The following RFTN1 variants were observed in gnomAD, a reference collection of about 807,000 sequenced individuals.
The protein encoded by RFTN1 is raftlin, lipid raft linker 1, also known as raftlin.
Under a neutral mutation model 46.5 loss-of-function variants are expected in RFTN1, and 26 were observed. That is an observed-to-expected ratio of 0.56 (90% CI 0.41 to 0.78). The LOEUF (loss-of-function observed/expected upper bound fraction) is 0.78. RFTN1 is among the 30% of genes least tolerant of loss of function. The pLI is 0.00. For synonymous variants in RFTN1, 261 were observed against 284.2 expected (o/e 0.92, Z 0.82); for missense variants, 693 against 718.7 (o/e 0.96, Z 0.41).
rs1160563756 is a variant in RFTN1 at position 16,442,134 on chromosome 3, C to A, written c.146-8097G>T. The stretch of plus-strand genomic sequence containing the variant: ...ACTCATGTATCTGAAACTTAAAAAA[C>A]AAAACAAAACAAAACAAAACAAAAC... On this transcript the variant is annotated intron_variant, in intron 2 of 9. Coordinates refer to ENST00000334133, the MANE Select transcript of RFTN1 (RefSeq NM_015150.2). The surrounding 1 kb of genome is among the most constrained non-coding windows in gnomAD (Gnocchi z 4.1). 1.4e-5 allele frequency among the ~76,000 whole-genome samples: 2 copies of A among 147,472 alleles called. No homozygotes were observed. The highest frequency in any genetic ancestry group is 5.1e-5 in the African/African-American group (2 of 39,450).
At position 16,413,462 on chromosome 3, in the gene RFTN1, G is replaced by A. The variant is rs142310001; in HGVS notation, c.333-3979C>T. On this transcript the variant is annotated intron_variant, in intron 3 of 9. Coordinates refer to ENST00000334133, the MANE Select transcript of RFTN1 (RefSeq NM_015150.2). This position sits in a 1 kb window ranked among gnomAD's most constrained non-coding sequence, Gnocchi z 4.7. ...CATTGCCACCTTCCTATGGGGTAGTGGAAATACCAGGTATGCTCCCCAAAG... is the reference window on the plus strand; with the variant it reads ...CATTGCCACCTTCCTATGGGGTAGTAGAAATACCAGGTATGCTCCCCAAAG... Among the ~76,000 whole-genome samples, 309 of 152,318 alleles carry A rather than the reference G, an allele frequency of 2.0e-3. No homozygotes were observed. Among genetic ancestry groups the A allele is most frequent in the Non-Finnish European group, 3.8e-3 (257 of 68,024 alleles).
chr3:16,434,390 AAAC>A (rs558148033), intron 2 of RFTN1, among the ~76,000 whole-genome samples: 8,137 of 130,746 alleles, frequency 0.062, 250 homozygotes, highest in Middle Eastern at 0.081. Context: ...ACAAACAAAC[AAAC>A]AAAAACAAAA....
chr3:16,463,906 G>T (rs1002694881), intron 2 of RFTN1, among the ~76,000 whole-genome samples: 2 of 152,170 alleles, frequency 1.3e-5, no homozygotes, highest in Non-Finnish European at 2.9e-5. Context: ...GACTCAGGTT[G>T]CTCCTGGCTT....
In RFTN1 at chr3:16,400,220, C is replaced by T. The variant is rs1296876242; in HGVS notation, c.441+9155G>A. Among the ~76,000 whole-genome samples, 2 of 152,200 alleles carry T rather than the reference C, an allele frequency of 1.3e-5. No homozygotes were observed. Among genetic ancestry groups the T allele is most frequent in the Non-Finnish European group, 2.9e-5 (2 of 68,032 alleles). ...CACTCACCCCTCTGTCATTTGCAGGCAAGACAGTGAACTCCCTTCTGCTCC... is the reference window on the plus strand; with the variant it reads ...CACTCACCCCTCTGTCATTTGCAGGTAAGACAGTGAACTCCCTTCTGCTCC... On this transcript the variant is annotated intron_variant, in intron 4 of 9. Transcript: ENST00000334133. The surrounding 1 kb of genome is among the most constrained non-coding windows in gnomAD (Gnocchi z 4.5).
chr3:16,437,145 C>A (rs2075531741), intron 2 of RFTN1, among the ~76,000 whole-genome samples: 1 of 152,138 alleles, frequency 6.6e-6, no homozygotes. Flanking sequence ...CAGGTTTATT[C>A]CTAGTTATTC....
rs898390691 is a variant in RFTN1, at chr3:16,443,391, A to G, written c.146-9354T>C. Among the ~76,000 whole-genome samples the G allele has an allele frequency of 1.5e-4, 23 of 152,126 alleles. No individual in the cohort carries two copies. Among genetic ancestry groups the G allele is most frequent in the African/African-American group, 4.3e-4 (18 of 41,422 alleles). ...TTATATCTCCTTGGGAGATATGTCT[A>G]TTCAAGCCCTCTGCCCATTTTTCAA... is the stretch of plus-strand genomic sequence containing the variant. On this transcript the variant is annotated intron_variant, in intron 2 of 9. Coordinates refer to ENST00000334133, the MANE Select transcript of RFTN1 (RefSeq NM_015150.2). This position sits in a 1 kb window ranked among gnomAD's most constrained non-coding sequence, Gnocchi z 5.5.
rs923706339 is a variant in RFTN1, at chr3:16,338,292, C to T, written c.1147-11416G>A. On this transcript the variant is annotated intron_variant, in intron 7 of 9. Coordinates refer to ENST00000334133, the MANE Select transcript of RFTN1 (RefSeq NM_015150.2). This position sits in a 1 kb window ranked among gnomAD's most constrained non-coding sequence, Gnocchi z 5.3. ...GAGAACCAGGCAAGGCATGCAACCACGCAAGGCTCCTGATCACAGGGAAGG... is the reference window on the plus strand; with the variant it reads ...GAGAACCAGGCAAGGCATGCAACCATGCAAGGCTCCTGATCACAGGGAAGG... Among the ~76,000 whole-genome samples, 6 of 152,212 alleles carry T rather than the reference C, an allele frequency of 3.9e-5. No individual in the cohort carries two copies. The highest frequency in any genetic ancestry group is 7.2e-5 in the African/African-American group (3 of 41,470).
intron 1 of RFTN1, among the ~76,000 whole-genome samples, chr3:16,497,320 A>T (rs1016247236): frequency 1.6e-4 from 24 of 152,270 alleles, no homozygotes; most frequent in African/African-American, 5.5e-4. Flanking sequence ...TCATCTACGT[A>T]CTGGGTCTCA....
intron 6 of RFTN1, among the ~76,000 whole-genome samples, chr3:16,364,538 A>G (rs927302779): frequency 2.6e-5 from 4 of 151,856 alleles, no homozygotes; most frequent in African/African-American, 9.7e-5. Flanking sequence ...TGACCACTGC[A>G]CCATACTCTC....
intron 2 of RFTN1, among the ~76,000 whole-genome samples, chr3:16,476,852 C>A (rs1210656036): frequency 6.6e-6 from 1 of 152,174 alleles, no homozygotes; most frequent in Non-Finnish European, 1.5e-5. Flanking sequence ...TCTTTACTTT[C>A]AATTTACATT....
chr3:16,318,732 C>T (rs1294923869), intron 9 of RFTN1, among the ~76,000 whole-genome samples: 3 of 152,198 alleles, frequency 2.0e-5, no homozygotes, highest in Non-Finnish European at 4.4e-5. Flanking sequence ...GGTCCTTTCC[C>T]ACCCTGTATC....
Position 16,404,166 on chromosome 3 carries a change from AAT to A in RFTN1, c.441+5207_441+5208del, listed in dbSNP as rs2074755559. Among the ~76,000 whole-genome samples the A allele has an allele frequency of 2.8e-5, 2 of 71,794 alleles. 1 individual carries two copies. The highest frequency in any genetic ancestry group is 4.8e-5 in the Non-Finnish European group (2 of 41,484). The allele number at this position is 71,794 out of a possible 152,430, so 47.1% of individuals were successfully genotyped here. On this transcript the variant is annotated intron_variant, in intron 4 of 9. Coordinates refer to ENST00000334133, the MANE Select transcript of RFTN1 (RefSeq NM_015150.2). ...TATACATTTTATATATATTATATAT[AAT>A]ATACATTTTATATATAATATATAAT...
intron 1 of RFTN1, among the ~76,000 whole-genome samples, chr3:16,496,881 A>G (rs2076634481): frequency 6.6e-6 from 1 of 152,234 alleles, no homozygotes; most frequent in African/African-American, 2.4e-5. Context: ...ACAATGAAAT[A>G]TTATAAAGCA....
chr3:16,362,632 A>C (rs2072904602), intron 6 of RFTN1, among the ~76,000 whole-genome samples: 1 of 152,182 alleles, frequency 6.6e-6, no homozygotes, highest in Non-Finnish European at 1.5e-5. Context: ...TCAACACAGC[A>C]CACATTTCCT....
Position 16,422,491 on chromosome 3 carries a change from C to T in RFTN1, c.332+11360G>A, listed in dbSNP as rs1456027125. The stretch of plus-strand genomic sequence containing the variant: ...TAAAAATACAAAAAAATTAGCTGGG[C>T]GTGGTGGCACGTGCCTGTAATCCCA... On this transcript the variant is annotated intron_variant, in intron 3 of 9. Coordinates refer to ENST00000334133, the MANE Select transcript of RFTN1 (RefSeq NM_015150.2). The surrounding 1 kb of genome is among the most constrained non-coding windows in gnomAD (Gnocchi z 4.6). Among the ~76,000 whole-genome samples the T allele has an allele frequency of 1.3e-5, 2 of 151,806 alleles. No individual in the cohort carries two copies. Among genetic ancestry groups the T allele is most frequent in the African/African-American group, 4.8e-5 (2 of 41,296 alleles).
chr3:16,408,099 C>A (rs1045125335), intron 4 of RFTN1, among the ~76,000 whole-genome samples: 3 of 152,142 alleles, frequency 2.0e-5, no homozygotes, highest in Non-Finnish European at 4.4e-5. Context: ...CTGTCTCTGG[C>A]CCCTTCTCCC....
At chr3:16,414,361 C>A (rs2075034386) in intron 3 of RFTN1, among the ~76,000 whole-genome samples, 1 of 150,908 alleles carries the variant, frequency 6.6e-6, no homozygotes, top group Non-Finnish European at 1.5e-5. Flanking sequence ...AATCCTAGCA[C>A]TTCGGGAGGC....
chr3:16,467,588 G>A (rs1400396865), intron 2 of RFTN1, among the ~76,000 whole-genome samples: 1 of 152,252 alleles, frequency 6.6e-6, no homozygotes, highest in Non-Finnish European at 1.5e-5. Context: ...CCTGAGCCCG[G>A]GGAATGCCCA....
intron 7 of RFTN1, among the ~76,000 whole-genome samples, chr3:16,339,038 T>C (rs1395897507): frequency 1.3e-5 from 2 of 152,206 alleles, no homozygotes; most frequent in Admixed American, 1.3e-4. Flanking sequence ...TAAAGATTAT[T>C]TCACTGTCCT....
Sources: allele counts gnomAD v4.1 joint callset (sites outside exome capture counted in the v4.1 genomes callset), GRCh38; gene constraint gnomAD v4.1.1; non-coding constraint Gnocchi (gnomAD v3.1); transcripts MANE v1.5; gene names NCBI Gene and HGNC (gene_info 2026-07-23, HGNC 2026-07-21).